SPAG16: variants seen among roughly 807,000 people sequenced by gnomAD.
The protein encoded by SPAG16 is sperm associated antigen 16.
SPAG16 carries 86 observed loss-of-function variants against 80.4 expected under a neutral mutation model. The ratio of observed to expected loss-of-function variants is 1.07; its 90% CI spans 0.90 to 1.28. The LOEUF (loss-of-function observed/expected upper bound fraction) is 1.28. Ranked by LOEUF, SPAG16 falls within the 50% of genes most tolerant of loss-of-function variation. SPAG16 has a pLI of 0.00. For synonymous variants in SPAG16, 294 were observed against 265.9 expected, an observed-to-expected ratio of 1.11 and a Z score of -1.03; for missense variants, 870 against 765.3, an observed-to-expected ratio of 1.14 and a Z score of -1.61.
At chr2:214,196,880 G>A (rs1025659116) in intron 15 of SPAG16, among the ~76,000 whole-genome samples, 2 of 151,934 alleles carry the variant, frequency 1.3e-5, no homozygotes, top group Admixed American at 6.6e-5. Flanking sequence ...CAATTTTCTC[G>A]CTTTATATTC....
chr2:213,304,713 C>T (rs1415405840), intron 3 of SPAG16, among the ~76,000 whole-genome samples: 3 of 151,868 alleles, frequency 2.0e-5, no homozygotes, highest in African/African-American at 4.8e-5. Flanking sequence ...TTTCTGTGTG[C>T]TCTGTTCTGT....
At chr2:214,022,124 T>C (rs1034506936) in intron 13 of SPAG16, among the ~76,000 whole-genome samples, 2 of 152,146 alleles carry the variant, frequency 1.3e-5, no homozygotes, top group Non-Finnish European at 2.9e-5. Flanking sequence ...ATGTTGAACT[T>C]GGCGAATGAG....
chr2:213,528,926 C>A (rs1014500822), intron 10 of SPAG16, among the ~76,000 whole-genome samples: 3 of 152,128 alleles, frequency 2.0e-5, no homozygotes, highest in Admixed American at 6.6e-5. Context: ...ATTAACTAAT[C>A]TGAAATTATA....
At chr2:214,269,425 A>C (rs1348396578) in intron 15 of SPAG16, among the ~76,000 whole-genome samples, 1 of 151,958 alleles carries the variant, frequency 6.6e-6, no homozygotes, top group Non-Finnish European at 1.5e-5. Context: ...ATTGGTGAGC[A>C]TAGAATTGTG....
At chr2:214,280,433 A>G (rs1692833308) in intron 15 of SPAG16, among the ~76,000 whole-genome samples, 1 of 152,208 alleles carries the variant, frequency 6.6e-6, no homozygotes, top group Non-Finnish European at 1.5e-5. Flanking sequence ...GAAAAAGAAC[A>G]TATTTGGAGT....
intron 9 of SPAG16, among the ~76,000 whole-genome samples, chr2:213,409,771 A>G (rs2068856802): frequency 6.6e-6 from 1 of 152,208 alleles, no homozygotes; most frequent in Admixed American, 6.5e-5. Flanking sequence ...TCTTTGGTCT[A>G]AAAACTAATA....
intron 12 of SPAG16, among the ~76,000 whole-genome samples, chr2:214,011,627 G>A (rs2047285533): frequency 1.3e-5 from 2 of 152,006 alleles, no homozygotes; most frequent in African/African-American, 4.8e-5. Context: ...TCTGGGTCGT[G>A]GTTTGTTGAC....
chr2:213,295,906 A>G (rs1320840968), intron 1 of SPAG16, 158 bp from the exon 2 acceptor site: 4 of 518,860 alleles, frequency 7.7e-6, no homozygotes, highest in Non-Finnish European at 1.4e-5. Flanking sequence ...TTTATAGGCT[A>G]TATGGGGAAG....
intron 14 of SPAG16, among the ~76,000 whole-genome samples, chr2:214,145,269 A>G (rs569296535): frequency 5.8e-4 from 89 of 152,254 alleles, no homozygotes; most frequent in South Asian, 1.0e-3. Context: ...ACAAGTTTAC[A>G]TAACAGTTGC....
At chr2:213,887,509 G>T (rs765115992) in intron 11 of SPAG16, among the ~76,000 whole-genome samples, 3 of 151,814 alleles carry the variant, frequency 2.0e-5, no homozygotes, top group East Asian at 1.9e-4. Flanking sequence ...ATCCTATCAG[G>T]TGATGAAACA....
intron 10 of SPAG16, among the ~76,000 whole-genome samples, chr2:213,858,374 A>G (rs564452409): frequency 6.6e-6 from 1 of 152,328 alleles, no homozygotes; most frequent in East Asian, 1.9e-4. Context: ...AGCCATCAAC[A>G]TCAAGGCAAG....
chr2:214,075,043 A>C (rs1371902659), intron 13 of SPAG16, among the ~76,000 whole-genome samples: 3 of 152,172 alleles, frequency 2.0e-5, no homozygotes, highest in African/African-American at 7.2e-5. Context: ...AATGAAAAAT[A>C]ATGAAATACT....
intron 14 of SPAG16, among the ~76,000 whole-genome samples, chr2:214,146,727 G>A (rs765986353): frequency 2.0e-5 from 3 of 152,194 alleles, no homozygotes; most frequent in Admixed American, 6.5e-5. Flanking sequence ...TTGGCTGGGC[G>A]CAGTGGCTCA....
intron 15 of SPAG16, among the ~76,000 whole-genome samples, chr2:214,327,746 A>G (rs1696594201): frequency 6.6e-6 from 1 of 151,770 alleles, no homozygotes; most frequent in Non-Finnish European, 1.5e-5. Context: ...TCAAAGGACT[A>G]CCATTAAGAG....
At chr2:214,196,506 G>T (rs2057843265) in intron 15 of SPAG16, among the ~76,000 whole-genome samples, 1 of 152,008 alleles carries the variant, frequency 6.6e-6, no homozygotes, top group Admixed American at 6.6e-5. Context: ...AATTCAGAAT[G>T]GAAGAATGGT....
intron 12 of SPAG16, among the ~76,000 whole-genome samples, chr2:213,988,952 A>T (rs764142353): frequency 3.9e-5 from 6 of 152,138 alleles, no homozygotes; most frequent in Non-Finnish European, 8.8e-5. Flanking sequence ...TCAGTTGTGT[A>T]GAATGTGGAG....
intron 10 of SPAG16, among the ~76,000 whole-genome samples, chr2:213,838,935 A>C (rs1575310951): frequency 6.6e-6 from 1 of 152,258 alleles, no homozygotes; most frequent in East Asian, 1.9e-4. Context: ...CTAGTGTAGA[A>C]GCTCAGTCCA....
chr2:214,194,290 A>G (rs1294229263), intron 15 of SPAG16, among the ~76,000 whole-genome samples: 2 of 152,078 alleles, frequency 1.3e-5, no homozygotes, highest in African/African-American at 4.8e-5. Flanking sequence ...GTCTACCTAG[A>G]TCATAATAGT....
intron 9 of SPAG16, among the ~76,000 whole-genome samples, chr2:213,477,572 C>G (rs902150408): frequency 6.6e-6 from 1 of 152,234 alleles, no homozygotes; most frequent in African/African-American, 2.4e-5. Context: ...AATGACTGCC[C>G]TGTTGGAGAT....
Sources: allele counts gnomAD v4.1 joint callset (sites outside exome capture counted in the v4.1 genomes callset), GRCh38; gene constraint gnomAD v4.1.1; transcripts MANE v1.5; gene names NCBI Gene and HGNC (gene_info 2026-07-23, HGNC 2026-07-21).